The following TMEM150C variants were observed in gnomAD, a reference collection of about 807,000 sequenced individuals.
The protein encoded by TMEM150C is transmembrane protein 150C.
In TMEM150C, 10 loss-of-function variants were observed where a neutral mutation model predicts 29.9. The observed-to-expected ratio is 0.33, with a 90% CI of 0.21 to 0.57. The LOEUF (loss-of-function observed/expected upper bound fraction) is 0.57. Among genes scored for constraint, TMEM150C ranks in the 20% least tolerant of loss-of-function variants. The probability of loss-of-function intolerance (pLI) is 0.88; values close to 1 mark genes in which losing one functional copy is unlikely to be tolerated. For synonymous variants in TMEM150C, 101 were observed against 112.5 expected (o/e 0.90, Z 0.64); for missense variants, 251 against 303.6 (o/e 0.83, Z 1.29).
At chr4:82,544,917 C>G (rs1005271350) in intron 1 of TMEM150C, among the ~76,000 whole-genome samples, 5 of 152,160 alleles carry the variant, frequency 3.3e-5, no homozygotes, top group Middle Eastern at 3.4e-3. Flanking sequence ...CCCCAAAAAT[C>G]TACCAATGAA....
chr4:82,547,611 A>C (rs1308885346), intron 1 of TMEM150C, among the ~76,000 whole-genome samples: 1 of 152,158 alleles, frequency 6.6e-6, no homozygotes, highest in Non-Finnish European at 1.5e-5. Context: ...AAGAAAAAAA[A>C]GGTTTAATCA....
At chr4:82,559,824 G>A (rs564025081) in intron 1 of TMEM150C, among the ~76,000 whole-genome samples, 4 of 152,284 alleles carry the variant, frequency 2.6e-5, no homozygotes, top group African/African-American at 9.6e-5. Flanking sequence ...TTACTGAACT[G>A]ATCCCAAATG....
chr4:82,527,563 CCT>C (rs1724695580), intron 1 of TMEM150C, among the ~76,000 whole-genome samples: 1 of 152,104 alleles, frequency 6.6e-6, no homozygotes, highest in Non-Finnish European at 1.5e-5. Context: ...GTTCCAGAGT[CCT>C]TGTGGGTCCG....
intron 1 of TMEM150C, among the ~76,000 whole-genome samples, chr4:82,549,704 C>T (rs770226133): frequency 5.3e-5 from 8 of 152,162 alleles, no homozygotes; most frequent in Non-Finnish European, 1.0e-4. Flanking sequence ...TTTTTCACTT[C>T]TTTTTGTAAT....
Position 82,485,204 on chromosome 4 carries a change from CAT to C in TMEM150C, c.*305_*306del, listed in dbSNP as rs1723118791. The C allele has an allele frequency of 3.1e-6, 1 of 320,350 alleles. No individual in the cohort carries two copies. Among genetic ancestry groups the C allele is most frequent in the East Asian group, 7.0e-5 (1 of 14,316 alleles). The allele number at this position is 320,350 out of a possible 1,614,324, so 19.8% of individuals were successfully genotyped here. ...GCCCTACTCGGTAGGGTGCTTGAGACATGTGGAGAGAATGGGAAGAGGAGGGA... is the reference window on the plus strand; with the variant it reads ...GCCCTACTCGGTAGGGTGCTTGAGACGTGGAGAGAATGGGAAGAGGAGGGA... On this transcript the variant is annotated 3_prime_UTR_variant, in exon 8 of 8. Transcript: ENST00000449862.
At chr4:82,538,897 C>T (rs982982886) in intron 1 of TMEM150C, among the ~76,000 whole-genome samples, 1 of 151,938 alleles carries the variant, frequency 6.6e-6, no homozygotes, top group African/African-American at 2.4e-5. Flanking sequence ...CTTAACTATA[C>T]CAAAAATATT....
At chr4:82,495,631 A>G (rs961269047) in intron 6 of TMEM150C, 2 of 341,140 alleles carry the variant, frequency 5.9e-6, no homozygotes, top group Non-Finnish European at 1.2e-5. Flanking sequence ...TCCTTGGTCT[A>G]TATATAACAG....
At chr4:82,518,885 T>C (rs541660747) in intron 1 of TMEM150C, among the ~76,000 whole-genome samples, 1 of 152,240 alleles carries the variant, frequency 6.6e-6, no homozygotes, top group South Asian at 2.1e-4. Flanking sequence ...AGTTATTAGA[T>C]AGCCTGTTCT....
At chr4:82,536,672 T>G (rs1389099465) in intron 1 of TMEM150C, among the ~76,000 whole-genome samples, 1 of 151,552 alleles carries the variant, frequency 6.6e-6, no homozygotes, top group South Asian at 2.1e-4. Context: ...AGCCCAGGAG[T>G]TGGAGACCAG....
intron 1 of TMEM150C, among the ~76,000 whole-genome samples, chr4:82,542,392 G>A (rs1725227851): frequency 6.6e-6 from 1 of 152,148 alleles, no homozygotes; most frequent in Non-Finnish European, 1.5e-5. Context: ...AAATAAAATG[G>A]GTTCAGATTA....
chr4:82,498,371 C>T (rs1723624068), intron 5 of TMEM150C, among the ~76,000 whole-genome samples: 4 of 152,028 alleles, frequency 2.6e-5, no homozygotes, highest in Admixed American at 2.0e-4. Flanking sequence ...CTCACTGCGA[C>T]CTCCGCCTCC....
intron 1 of TMEM150C, among the ~76,000 whole-genome samples, chr4:82,523,479 AG>A (rs1479114287): frequency 1.3e-5 from 2 of 152,144 alleles, no homozygotes; most frequent in Non-Finnish European, 2.9e-5. Context: ...CCATGTTGCC[AG>A]GAACATGTGA....
At chr4:82,495,557 A>C in intron 6 of TMEM150C, 2 of 353,904 alleles carry the variant, frequency 5.7e-6, no homozygotes. Context: ...AACAAAGTTG[A>C]GAATGCTCAG....
chr4:82,498,579 G>A (rs978825606), intron 5 of TMEM150C, among the ~76,000 whole-genome samples: 9 of 152,164 alleles, frequency 5.9e-5, no homozygotes, highest in African/African-American at 1.2e-4. Context: ...GAGCCACCGC[G>A]CCTGGCTGGC....
At chr4:82,501,896 G>A (rs1391686156) in intron 5 of TMEM150C, among the ~76,000 whole-genome samples, 1 of 152,144 alleles carries the variant, frequency 6.6e-6, no homozygotes, top group African/African-American at 2.4e-5. Flanking sequence ...CTCTTACTTG[G>A]AGTGAAAGTC....
intron 1 of TMEM150C, among the ~76,000 whole-genome samples, chr4:82,550,906 G>GA (rs1725557646): frequency 6.6e-6 from 1 of 152,182 alleles, no homozygotes; most frequent in Non-Finnish European, 1.5e-5. Flanking sequence ...TTTCTGAGGT[G>GA]AAAAAATAGC....
intron 6 of TMEM150C, 150 bp from the exon 7 acceptor site, chr4:82,490,388 A>G (rs1327666114): frequency 1.9e-5 from 14 of 732,450 alleles, no homozygotes; most frequent in Non-Finnish European, 3.2e-5. Flanking sequence ...TCTTCGTTCT[A>G]TTCTCAAATG....
At chr4:82,541,069 T>A (rs1468369691) in intron 1 of TMEM150C, among the ~76,000 whole-genome samples, 2 of 152,172 alleles carry the variant, frequency 1.3e-5, no homozygotes, top group Non-Finnish European at 2.9e-5. Context: ...AAATATTTGT[T>A]ATGGGGATGC....
At chr4:82,519,713 C>T (rs1724422257) in intron 1 of TMEM150C, among the ~76,000 whole-genome samples, 1 of 152,136 alleles carries the variant, frequency 6.6e-6, no homozygotes, top group Non-Finnish European at 1.5e-5. Flanking sequence ...AGGCATGAGC[C>T]ACCAAGCCTG....
Sources: gnomAD v4.1 joint callset for allele counts (sites outside exome capture counted in the v4.1 genomes callset) on GRCh38, gnomAD v4.1.1 for gene constraint, MANE v1.5 for transcripts, NCBI Gene and HGNC (gene_info 2026-07-23, HGNC 2026-07-21) for gene names.